Variants in C4orf17 observed in about 807,000 individuals in gnomAD.
C4orf17 encodes chromosome 4 open reading frame 17.
A neutral mutation model predicts 32.0 loss-of-function variants in C4orf17; 25 were observed. The ratio of observed to expected loss-of-function variants is 0.78; its 90% CI spans 0.57 to 1.09. C4orf17 has a LOEUF of 1.09. C4orf17 is among the 50% of genes least tolerant of loss of function. The probability of loss-of-function intolerance (pLI) is 0.00; values close to 1 mark genes in which losing one functional copy is unlikely to be tolerated. For missense variants in C4orf17, 420 were observed against 420.0 expected (o/e 1.00, Z 0.00); for synonymous variants, 149 against 145.8 (o/e 1.02, Z -0.16).
intron 2 of C4orf17, among the ~76,000 whole-genome samples, chr4:99,514,810 G>T (rs1723150933): frequency 6.6e-6 from 1 of 152,134 alleles, no homozygotes; most frequent in African/African-American, 2.4e-5. Flanking sequence ...GTACATGCAT[G>T]TTTATACCAG....
chr4:99,516,420 GAAATGATAT>G (rs1157370918), intron 2 of C4orf17, among the ~76,000 whole-genome samples: 1 of 152,192 alleles, frequency 6.6e-6, no homozygotes, highest in African/African-American at 2.4e-5. Flanking sequence ...CATCAGCATA[GAAATGATAT>G]TTAAAGGCAT....
At chr4:99,518,570 G>C (rs1316712199) in intron 2 of C4orf17, among the ~76,000 whole-genome samples, 17 of 128,498 alleles carry the variant, frequency 1.3e-4, no homozygotes, top group African/African-American at 4.9e-4. Flanking sequence ...GAGAGAGAGA[G>C]AGAGAGAGAG....
intron 2 of C4orf17, among the ~76,000 whole-genome samples, chr4:99,521,570 A>G (rs1298189174): frequency 6.6e-6 from 1 of 152,190 alleles, no homozygotes; most frequent in Admixed American, 6.5e-5. Context: ...GGCACATTTC[A>G]GACAGAGTTG....
chr4:99,518,844 C>T (rs1002430400), intron 2 of C4orf17, among the ~76,000 whole-genome samples: 1 of 151,880 alleles, frequency 6.6e-6, no homozygotes, highest in East Asian at 1.9e-4. Flanking sequence ...TAAACTTCCC[C>T]TCATTATTTG....
intron 2 of C4orf17, among the ~76,000 whole-genome samples, chr4:99,520,091 T>TA (rs1277774709): frequency 2.4e-5 from 3 of 125,520 alleles, no homozygotes; most frequent in East Asian, 5.2e-4. Flanking sequence ...CACATTTAAT[T>TA]TTTTTTTTTT....
chr4:99,530,308 C>G (rs1002512899), intron 5 of C4orf17, among the ~76,000 whole-genome samples: 1 of 152,086 alleles, frequency 6.6e-6, no homozygotes, highest in Non-Finnish European at 1.5e-5. Context: ...ATTTACTTCT[C>G]ATATTTTAAA....
intron 1 of C4orf17, among the ~76,000 whole-genome samples, chr4:99,511,579 C>T (rs1453758450): frequency 2.0e-5 from 3 of 152,030 alleles, no homozygotes; most frequent in Non-Finnish European, 4.4e-5. Flanking sequence ...GGCAATAAAA[C>T]AATTAATCTG....
At chr4:99,522,800 G>C (rs1249551091) in intron 3 of C4orf17, 91 bp downstream of exon 3, 5 of 965,618 alleles carry the variant, frequency 5.2e-6, no homozygotes, top group African/African-American at 5.0e-5. Context: ...TAGCTGCAGT[G>C]GTTTTTACAT....
chr4:99,534,440 T>C (rs1341041684), intron 5 of C4orf17, among the ~76,000 whole-genome samples: 2 of 152,178 alleles, frequency 1.3e-5, no homozygotes, highest in African/African-American at 4.8e-5. Context: ...GCAGTGAACA[T>C]ATGCATGCAT....
intron 3 of C4orf17, among the ~76,000 whole-genome samples, chr4:99,524,123 G>A (rs892570085): frequency 3.3e-5 from 5 of 151,664 alleles, no homozygotes; most frequent in Admixed American, 1.3e-4. Flanking sequence ...GGGACTACAG[G>A]CGCCCGCCAC....
intron 5 of C4orf17, among the ~76,000 whole-genome samples, chr4:99,531,697 T>C (rs1232565905): frequency 6.6e-6 from 1 of 152,144 alleles, no homozygotes; most frequent in African/African-American, 2.4e-5. Flanking sequence ...ACACAGACAA[T>C]GGCATTTTGC....
At chr4:99,535,929 G>C (rs1271187587) in intron 5 of C4orf17, 1 of 447,432 alleles carries the variant, frequency 2.2e-6, no homozygotes, top group East Asian at 7.1e-5. Flanking sequence ...TGGCATCTTT[G>C]TTGTTGTTGT....
At chr4:99,517,480 C>G (rs768881524) in intron 2 of C4orf17, among the ~76,000 whole-genome samples, 24 of 152,320 alleles carry the variant, frequency 1.6e-4, no homozygotes, top group Non-Finnish European at 2.9e-4. Flanking sequence ...ATCCACTACA[C>G]TGCAATCCTC....
intron 2 of C4orf17, among the ~76,000 whole-genome samples, chr4:99,515,970 G>C (rs1030125303): frequency 5.9e-5 from 9 of 152,122 alleles, no homozygotes; most frequent in Non-Finnish European, 1.2e-4. Context: ...TATGAGGCTA[G>C]AGAGAGTTTG....
intron 2 of C4orf17, among the ~76,000 whole-genome samples, chr4:99,518,544 TAGAG>T (rs70958313): frequency 0.024 from 881 of 36,630 alleles, 26 homozygotes; most frequent in African/African-American, 0.031. Flanking sequence ...TATATATATA[TAGAG>T]AGAGAGAGAG....
intron 2 of C4orf17, 124 bp from the exon 3 acceptor site, chr4:99,522,376 G>A (rs1223103414): frequency 1.2e-5 from 9 of 760,532 alleles, no homozygotes; most frequent in Admixed American, 5.7e-5. Context: ...ACAATTTGAA[G>A]TTCAACATTT....
intron 2 of C4orf17, among the ~76,000 whole-genome samples, chr4:99,521,658 G>C (rs1418580342): frequency 6.6e-6 from 1 of 152,124 alleles, no homozygotes; most frequent in African/African-American, 2.4e-5. Flanking sequence ...GAGAGATTTG[G>C]AAAAATGAGC....
Position 99,538,240 on chromosome 4 carries a change from C to T in C4orf17, c.628+490C>T, listed in dbSNP as rs1161760855. Among the ~76,000 whole-genome samples, 4 of 152,330 alleles carry T rather than the reference C, an allele frequency of 2.6e-5. No homozygotes were observed. In the East Asian group the frequency reaches 7.7e-4, roughly 29 times the overall value. On this transcript the variant is annotated intron_variant, in intron 6 of 8. Coordinates refer to ENST00000326581, the MANE Select transcript of C4orf17 (RefSeq NM_032149.3). ...CTTTTGGGCCCTTCCTGGCCTGTTC[C>T]ATGAAAACACATGCCATTCCCAATC...
intron 5 of C4orf17, among the ~76,000 whole-genome samples, chr4:99,531,807 G>A (rs1003501592): frequency 1.3e-5 from 2 of 151,964 alleles, no homozygotes; most frequent in Non-Finnish European, 2.9e-5. Flanking sequence ...AAAGAGCCCC[G>A]GAAATACTGC....
Sources: gnomAD v4.1 joint callset for allele counts (sites outside exome capture counted in the v4.1 genomes callset) on GRCh38, gnomAD v4.1.1 for gene constraint, MANE v1.5 for transcripts, NCBI Gene and HGNC (gene_info 2026-07-23, HGNC 2026-07-21) for gene names.